Variants in AGAP1 observed in about 807,000 individuals in gnomAD.
The protein encoded by AGAP1 is arf-GAP with GTPase, ANK repeat and PH domain-containing protein 1.
AGAP1 carries 29 observed loss-of-function variants against 105.3 expected under a neutral mutation model. That is an observed-to-expected ratio of 0.28 (90% CI 0.21 to 0.38). The LOEUF is 0.38. Ranked by LOEUF, AGAP1 falls within the 10% of genes least tolerant of loss-of-function variation. The pLI is 1.00. For synonymous variants in AGAP1, 509 were observed against 485.9 expected, an observed-to-expected ratio of 1.05 and a Z score of -0.63; for missense variants, 998 against 1,165.1, an observed-to-expected ratio of 0.86 and a Z score of 2.09.
chr2:235,858,213 A>G (rs1198540869), intron 9 of AGAP1, among the ~76,000 whole-genome samples: 2 of 152,224 alleles, frequency 1.3e-5, no homozygotes, highest in Admixed American at 1.3e-4. Flanking sequence ...ATTTTTCTTT[A>G]GTTAGTAAGC....
rs1953043436 is a variant in AGAP1, at chr2:235,747,394, T to A, written c.538+2555T>A. ...AAGGCCCCAGGGGAGTGTGTGCGTG[T>A]GCGAGGGTGGCCTCTGGGGTTGGGA... is the stretch of plus-strand genomic sequence containing the variant. On this transcript the variant is annotated intron_variant, in intron 5 of 17. Transcript: ENST00000304032. This position sits in a 1 kb window ranked among gnomAD's most constrained non-coding sequence, Gnocchi z 5.0. 6.6e-6 allele frequency among the ~76,000 whole-genome samples: 1 copy of A among 152,112 alleles called. No homozygotes were observed. The highest frequency in any genetic ancestry group is 2.1e-4 in the South Asian group (1 of 4,824).
intron 7 of AGAP1, among the ~76,000 whole-genome samples, chr2:235,798,277 T>A (rs1384479161): frequency 1.3e-5 from 2 of 152,212 alleles, no homozygotes; most frequent in Non-Finnish European, 2.9e-5. Context: ...CATTCAATTA[T>A]AATTACCATC....
chr2:235,525,898 C>A (rs5021819), intron 1 of AGAP1, among the ~76,000 whole-genome samples: 1 of 93,948 alleles, frequency 1.1e-5, no homozygotes, highest in African/African-American at 4.5e-5. Context: ...AGGACTGATA[C>A]ATAATGTGGA....
chr2:235,590,924 T>C (rs1420229381), intron 1 of AGAP1, among the ~76,000 whole-genome samples: 2 of 151,746 alleles, frequency 1.3e-5, no homozygotes, highest in African/African-American at 2.4e-5. Context: ...GGTTTCACCA[T>C]GTTAGCCAGG....
Position 236,067,678 on chromosome 2 carries a change from G to A in AGAP1, c.2114+18397G>A, listed in dbSNP as rs73996514. 9.2e-3 allele frequency among the ~76,000 whole-genome samples: 1,405 copies of A among 152,314 alleles called. 14 individuals are homozygous for A. Among genetic ancestry groups the A allele is most frequent in the African/African-American group, 0.031 (1,277 of 41,574 alleles). ...AGACTGGGAGTAACACGTATTGGAAGAAGAGAATGGGGTCCTGTCTTTTCT... is the reference window on the plus strand; with the variant it reads ...AGACTGGGAGTAACACGTATTGGAAAAAGAGAATGGGGTCCTGTCTTTTCT... On this transcript the variant is annotated intron_variant, in intron 16 of 17. Coordinates refer to ENST00000304032, the MANE Select transcript of AGAP1 (RefSeq NM_001037131.3).
chr2:235,709,648 C>G (rs1279487611), intron 2 of AGAP1, among the ~76,000 whole-genome samples: 1 of 152,204 alleles, frequency 6.6e-6, no homozygotes, highest in Non-Finnish European at 1.5e-5. Flanking sequence ...CGGAAGGCTT[C>G]TGTCATGAGT....
At chr2:235,890,132 G>C (rs539045070) in intron 10 of AGAP1, among the ~76,000 whole-genome samples, 2 of 150,718 alleles carry the variant, frequency 1.3e-5, no homozygotes, top group South Asian at 4.3e-4. Context: ...ACAGGAGGAA[G>C]TGATGGTAGA....
chr2:235,774,938 C>T (rs560052089), intron 6 of AGAP1, among the ~76,000 whole-genome samples: 2 of 152,302 alleles, frequency 1.3e-5, no homozygotes, highest in East Asian at 3.9e-4. Flanking sequence ...TCTCTGGTGC[C>T]AAAATGTCAG....
chr2:235,695,186 G>C (rs573676668), intron 1 of AGAP1, among the ~76,000 whole-genome samples: 2 of 152,294 alleles, frequency 1.3e-5, no homozygotes, highest in African/African-American at 4.8e-5. Context: ...ACCTTCGCAG[G>C]CTTCAGGGTT....
At position 236,035,219 on chromosome 2, in the gene AGAP1, T is replaced by C. The variant is rs1576125872; in HGVS notation, c.1646-1342T>C. On this transcript the variant is annotated intron_variant, in intron 13 of 17. Transcript: ENST00000304032. This position sits in a 1 kb window ranked among gnomAD's most constrained non-coding sequence, Gnocchi z 4.2. ...ATAAGTAAAGTGGTTGGCAGGCAGG[T>C]AGGTGAAAGTCAGTACTAATAATAG... 1.3e-5 allele frequency among the ~76,000 whole-genome samples: 2 copies of C among 152,088 alleles called. No homozygotes were observed. Among genetic ancestry groups the C allele is most frequent in the Admixed American group, 1.3e-4 (2 of 15,268 alleles).
In AGAP1 at chr2:236,101,272, T is replaced by A. The variant is rs76794790; in HGVS notation, c.2115-18920T>A. ...AAAAGGTATACCACATTAAGAAGAC[T>A]CCTTATTGTTCCAAAGCAATGGTCC... On this transcript the variant is annotated intron_variant, in intron 16 of 17. Transcript: ENST00000304032. The surrounding 1 kb of genome is among the most constrained non-coding windows in gnomAD (Gnocchi z 4.9). Among the ~76,000 whole-genome samples the A allele has an allele frequency of 5.9e-3, 903 of 152,282 alleles. 6 individuals are homozygous for A. Among genetic ancestry groups the A allele is most frequent in the African/African-American group, 0.021 (861 of 41,558 alleles).
At chr2:235,947,186 G>T (rs13004012) in intron 12 of AGAP1, among the ~76,000 whole-genome samples, 74,599 of 151,896 alleles carry the variant, frequency 0.49, 18,616 homozygotes, top group South Asian at 0.64. Flanking sequence ...CCCGAGCAGT[G>T]TACACTGTAC....
intron 11 of AGAP1, among the ~76,000 whole-genome samples, chr2:235,911,518 C>G (rs1282002624): frequency 6.6e-6 from 1 of 152,228 alleles, no homozygotes; most frequent in Admixed American, 6.5e-5. Flanking sequence ...ACTTCCTAAT[C>G]TTGAGATTTA....
intron 11 of AGAP1, among the ~76,000 whole-genome samples, chr2:235,924,120 G>A (rs2052329334): frequency 6.6e-6 from 1 of 152,060 alleles, no homozygotes; most frequent in African/African-American, 2.4e-5. Context: ...TCACCAGTCT[G>A]TTCATTCTGT....
rs759425736 is a variant in AGAP1, at chr2:235,882,379, G to A, written c.1051-966G>A. On this transcript the variant is annotated intron_variant, in intron 9 of 17. Coordinates refer to ENST00000304032, the MANE Select transcript of AGAP1 (RefSeq NM_001037131.3). This position sits in a 1 kb window ranked among gnomAD's most constrained non-coding sequence, Gnocchi z 4.6. The stretch of plus-strand genomic sequence containing the variant: ...CCGGGCTCTTAGGAAATTTCACTCC[G>A]CTTCTGCCCAGTGGTCTCTTTGGTC... The A allele has an allele frequency of 1.6e-4, 243 of 1,509,504 alleles. No homozygotes were observed. Among genetic ancestry groups the A allele is most frequent in the Middle Eastern group, 7.3e-4 (4 of 5,506 alleles). 93.5% of individuals were successfully genotyped at this position (1,509,504 alleles called of 1,614,324 possible).
At chr2:235,771,103 T>A (rs1955407983) in intron 6 of AGAP1, among the ~76,000 whole-genome samples, 1 of 152,186 alleles carries the variant, frequency 6.6e-6, no homozygotes, top group Non-Finnish European at 1.5e-5. Flanking sequence ...AGATAACTGC[T>A]CACCTGTAGT....
intron 11 of AGAP1, among the ~76,000 whole-genome samples, chr2:235,921,817 C>T (rs2052195048): frequency 6.6e-6 from 1 of 152,164 alleles, no homozygotes. Flanking sequence ...TTATAAGATA[C>T]TGAATGTGTC....
intron 1 of AGAP1, among the ~76,000 whole-genome samples, chr2:235,496,183 G>A (rs1442379638): frequency 6.6e-6 from 1 of 152,236 alleles, no homozygotes; most frequent in African/African-American, 2.4e-5. Flanking sequence ...CCATGTCCCA[G>A]CCAGGCTGGA....
chr2:236,029,564 G>A lies in AGAP1; in HGVS notation c.1646-6997G>A, dbSNP rs2057162504. On this transcript the variant is annotated intron_variant, in intron 13 of 17. Transcript: ENST00000304032. ...GCCTCCCAAAGTGTTGGGATCACAG[G>A]TGTGAGCCACTGTGCCTGGCCCTGA... 3.9e-5 allele frequency among the ~76,000 whole-genome samples: 6 copies of A among 152,110 alleles called. No homozygotes were observed. The South Asian group carries it at 8.3e-4, about 21-fold the overall frequency.
Sources: gnomAD v4.1 joint callset for allele counts (sites outside exome capture counted in the v4.1 genomes callset) on GRCh38, gnomAD v4.1.1 for gene constraint, Gnocchi (gnomAD v3.1) non-coding constraint, MANE v1.5 for transcripts, NCBI Gene and HGNC (gene_info 2026-07-23, HGNC 2026-07-21) for gene names.